THSD4: variants seen among roughly 807,000 people sequenced by gnomAD.
THSD4 encodes thrombospondin type-1 domain-containing protein 4.
In THSD4, 69 loss-of-function variants were observed where a neutral mutation model predicts 119.0. That is an observed-to-expected ratio of 0.58 (90% CI 0.48 to 0.71). The LOEUF (loss-of-function observed/expected upper bound fraction) is 0.71. Among genes scored for constraint, THSD4 ranks in the 30% least tolerant of loss-of-function variants. The pLI, the probability that THSD4 is intolerant of heterozygous loss-of-function variation, is 0.00. For synonymous variants in THSD4, 524 were observed against 540.4 expected, an observed-to-expected ratio of 0.97 and a Z score of 0.42; for missense variants, 1,393 against 1,391.1, an observed-to-expected ratio of 1.00 and a Z score of -0.02.
intron 7 of THSD4, among the ~76,000 whole-genome samples, chr15:71,464,593 G>C (rs2047474430): frequency 6.6e-6 from 1 of 152,160 alleles, no homozygotes; most frequent in Non-Finnish European, 1.5e-5. Flanking sequence ...TCATGGGAAA[G>C]ATAGGGCTTT....
chr15:71,630,749 T>C (rs1315626871), intron 7 of THSD4, among the ~76,000 whole-genome samples: 1 of 152,140 alleles, frequency 6.6e-6, no homozygotes, highest in Non-Finnish European at 1.5e-5. Context: ...CACATGGGTG[T>C]TTGAATGCAC....
At chr15:71,506,612 A>G (rs1344556602) in intron 7 of THSD4, among the ~76,000 whole-genome samples, 1 of 152,270 alleles carries the variant, frequency 6.6e-6, no homozygotes, top group African/African-American at 2.4e-5. Context: ...ATAGAAATCC[A>G]TGTAATTCAC....
chr15:71,413,503 G>A (rs554225205), intron 7 of THSD4, among the ~76,000 whole-genome samples: 1 of 152,238 alleles, frequency 6.6e-6, no homozygotes, highest in East Asian at 1.9e-4. Flanking sequence ...TCAGTCTTCA[G>A]GAGTTCAATT....
chr15:71,459,338 G>GTCTC lies in THSD4; in HGVS notation c.1152+47519_1152+47522dup, dbSNP rs201750297. On this transcript the variant is annotated intron_variant, in intron 7 of 17. Coordinates refer to ENST00000261862, the MANE Select transcript of THSD4 (RefSeq NM_024817.3). ...CATGCCCAACTATCTCTCTCTCTCTGTCTCTCTGTCTCTCTCTCTCTCTCT... is the reference window on the plus strand; with the variant it reads ...CATGCCCAACTATCTCTCTCTCTCTGTCTCTCTCTCTGTCTCTCTCTCTCTCTCT... Among the ~76,000 whole-genome samples, 698 of 131,542 alleles carry GTCTC rather than the reference G, an allele frequency of 5.3e-3. 5 individuals carry two copies. Among genetic ancestry groups the GTCTC allele is most frequent in the Middle Eastern group, 0.012 (3 of 252 alleles). 86.3% of individuals were successfully genotyped at this position (131,542 alleles called of 152,430 possible).
At chr15:71,598,343 C>T (rs111727924) in intron 7 of THSD4, among the ~76,000 whole-genome samples, 1 of 152,050 alleles carries the variant, frequency 6.6e-6, no homozygotes, top group Non-Finnish European at 1.5e-5. Flanking sequence ...AAAAGTCAAA[C>T]GGGACACATC....
chr15:71,182,740 A>G (rs1187611488), intron 3 of THSD4, among the ~76,000 whole-genome samples: 3 of 151,660 alleles, frequency 2.0e-5, no homozygotes, highest in African/African-American at 7.2e-5. Flanking sequence ...TTAGTGGTCT[A>G]TCTTTTCCTC....
rs1415684386 is a variant in THSD4, at chr15:71,250,930, A to T, written c.913-5683A>T. 8.5e-5 allele frequency among the ~76,000 whole-genome samples: 13 copies of T among 152,334 alleles called. No individual in the cohort carries two copies. In the East Asian group the frequency reaches 2.5e-3, roughly 29 times the overall value. ...GAACTTCCTTGGATGAAAAAAATAA[A>T]AAAAGCATTTGAGAATTACAAAAAT... On this transcript the variant is annotated intron_variant, in intron 5 of 17. Transcript: ENST00000261862.
chr15:71,248,628 ACT>A (rs1182366983), intron 5 of THSD4, among the ~76,000 whole-genome samples: 8 of 152,014 alleles, frequency 5.3e-5, no homozygotes, highest in Admixed American at 1.3e-4. Flanking sequence ...GGTATCAATG[ACT>A]CTCCAGTGAA....
chr15:71,747,473 T>C (rs2053361656), intron 13 of THSD4, among the ~76,000 whole-genome samples: 1 of 152,182 alleles, frequency 6.6e-6, no homozygotes, highest in Admixed American at 6.5e-5. Context: ...TGGAAGCCAA[T>C]GTAAGGATCA....
intron 7 of THSD4, among the ~76,000 whole-genome samples, chr15:71,440,615 C>T (rs921957520): frequency 6.6e-5 from 10 of 152,080 alleles, no homozygotes; most frequent in African/African-American, 2.4e-4. Flanking sequence ...CACAAGTAAA[C>T]GTGAGACTTG....
intron 5 of THSD4, among the ~76,000 whole-genome samples, chr15:71,253,965 C>T (rs922892828): frequency 1.3e-5 from 2 of 152,144 alleles, no homozygotes; most frequent in African/African-American, 4.8e-5. Flanking sequence ...CTAGATGATT[C>T]TGAATGTGCA....
chr15:71,490,443 C>T (rs1468800157), intron 7 of THSD4, among the ~76,000 whole-genome samples: 2 of 151,912 alleles, frequency 1.3e-5, no homozygotes, highest in Non-Finnish European at 2.9e-5. Flanking sequence ...GCCTGTAGTC[C>T]CACCTACTCG....
In THSD4 at chr15:71,243,031, C is replaced by T; in HGVS notation, c.847C>T (p.Pro283Ser). Residue 283 changes from proline to serine, a missense_variant, in exon 5 of 18, where the codon CCT becomes TCT. By Grantham distance (74) the Pro-to-Ser change is moderately conservative. Transcript: ENST00000261862. ...THGATQSFSQ[P>S]ARSTAISCIG... is the part of the protein sequence containing the mutation. ...TGGGGCAACTCAGAGCTTCTCTCAG[C>T]CTGCCCGATCTACAGCAATCTCATG... The T allele has an allele frequency of 6.2e-7, 1 of 1,614,220 alleles. No homozygotes were observed. Among genetic ancestry groups the T allele is most frequent in the Middle Eastern group, 1.6e-4 (1 of 6,062 alleles).
At chr15:71,234,978 A>G (rs2044092123) in intron 4 of THSD4, among the ~76,000 whole-genome samples, 1 of 152,228 alleles carries the variant, frequency 6.6e-6, no homozygotes, top group Admixed American at 6.5e-5. Flanking sequence ...GAGAAGGACT[A>G]TTCCTCGGTA....
In THSD4 at chr15:71,522,038, C is replaced by G. The variant is rs75671436; in HGVS notation, c.1152+110215C>G. Among the ~76,000 whole-genome samples, 1,082 of 152,282 alleles carry G rather than the reference C, an allele frequency of 7.1e-3. 10 individuals carry two copies. The highest frequency in any genetic ancestry group is 0.02 in the Middle Eastern group (6 of 294). On this transcript the variant is annotated intron_variant, in intron 7 of 17. Transcript: ENST00000261862. ...CTTGAATGTACTAATATAAAATATTCATCATCAGTTCACTGTTACAATTTT... is the reference window on the plus strand; with the variant it reads ...CTTGAATGTACTAATATAAAATATTGATCATCAGTTCACTGTTACAATTTT...
rs529633925 is a variant in THSD4, at chr15:71,488,148, T to C, written c.1152+76325T>C. Among the ~76,000 whole-genome samples, 3 of 152,344 alleles carry C rather than the reference T, an allele frequency of 2.0e-5. No individual in the cohort carries two copies. The South Asian group carries it at 6.2e-4, about 32-fold the overall frequency. The stretch of plus-strand genomic sequence containing the variant: ...AAGCTCTTGGGCAGCGGTAGATTTA[T>C]TGTTATCATATGAAGGGAACATTCT... On this transcript the variant is annotated intron_variant, in intron 7 of 17. Coordinates refer to ENST00000261862, the MANE Select transcript of THSD4 (RefSeq NM_024817.3).
chr15:71,139,644 A>G (rs1397176983), intron 1 of THSD4, among the ~76,000 whole-genome samples: 2 of 152,216 alleles, frequency 1.3e-5, no homozygotes, highest in East Asian at 1.9e-4. Flanking sequence ...ACCCGCAGAA[A>G]GGGCCTGTGG....
chr15:71,257,585 G>T (rs1388845751), intron 6 of THSD4, among the ~76,000 whole-genome samples: 1 of 152,164 alleles, frequency 6.6e-6, no homozygotes, highest in Non-Finnish European at 1.5e-5. Context: ...AGGATCTGGA[G>T]AAATTGCCTT....
chr15:71,637,975 C>T (rs1318451963), intron 7 of THSD4, among the ~76,000 whole-genome samples: 1 of 152,148 alleles, frequency 6.6e-6, no homozygotes, highest in Non-Finnish European at 1.5e-5. Context: ...GATCCACCTG[C>T]CTCAGCCTCC....
Sources: allele counts gnomAD v4.1 joint callset (sites outside exome capture counted in the v4.1 genomes callset), GRCh38; gene constraint gnomAD v4.1.1; transcripts MANE v1.5; gene names NCBI Gene and HGNC (gene_info 2026-07-23, HGNC 2026-07-21).